LTBP2: variants seen among roughly 807,000 people sequenced by gnomAD.
LTBP2 encodes latent transforming growth factor beta binding protein 2.
In LTBP2, 103 loss-of-function variants were observed where a neutral mutation model predicts 210.6. That is an observed-to-expected ratio of 0.49 (90% CI 0.42 to 0.58). The LOEUF (loss-of-function observed/expected upper bound fraction) is 0.58, where lower values mean the gene tolerates loss of function less well. LTBP2 is among the 20% of genes least tolerant of loss of function. The probability of loss-of-function intolerance (pLI) is 0.00; values close to 1 mark genes in which losing one functional copy is unlikely to be tolerated. For missense variants in LTBP2, 2,313 were observed against 2,494.5 expected, an observed-to-expected ratio of 0.93 and a Z score of 1.55; for synonymous variants, 1,007 against 1,015.0, an observed-to-expected ratio of 0.99 and a Z score of 0.15.
At chr14:74,503,046 C>T in intron 33 of LTBP2, 112 bp from the exon 34 acceptor site, 1 of 1,498,828 alleles carries the variant, frequency 6.7e-7, no homozygotes, top group Non-Finnish European at 9.1e-7. Context: ...GAGATCCTGG[C>T]AACATTCCTC....
At position 74,575,387 on chromosome 14, in the gene LTBP2, G is replaced by A. The variant is rs1248435302; in HGVS notation, c.830+10467C>T. ...GGCCTTGAAGCAATACACTTTGTAA[G>A]GGAAATAGGAGACATCTCTCTCCTT... On this transcript the variant is annotated intron_variant, in intron 3 of 35. Coordinates refer to ENST00000261978, the MANE Select transcript of LTBP2 (RefSeq NM_000428.3). Among the ~76,000 whole-genome samples the A allele has an allele frequency of 3.3e-5, 5 of 152,362 alleles. No homozygotes were observed. In the South Asian group the frequency reaches 8.3e-4, roughly 25 times the overall value.
intron 18 of LTBP2, among the ~76,000 whole-genome samples, chr14:74,512,598 C>T (rs1193467097): frequency 1.3e-5 from 2 of 152,180 alleles, no homozygotes; most frequent in South Asian, 2.1e-4. Flanking sequence ...CAGGACACAT[C>T]GAAGCCCTCT....
chr14:74,551,268 C>T lies in LTBP2; in HGVS notation c.1482G>A (p.Val494=). 6.2e-7 allele frequency: 1 copy of T among 1,608,754 alleles called. No individual in the cohort carries two copies. Among genetic ancestry groups the T allele is most frequent in the Non-Finnish European group, 8.5e-7 (1 of 1,177,860 alleles). The change falls in exon 7 of 36, where the codon GTG becomes GTA. Residue 494 remains valine (V), a synonymous_variant. Transcript: ENST00000261978. ...ASVQIHQVAQ[V]RGGVEEALVE... ...CTAGGGCCTCCTCCACCCCGCCCCGCACCTGGGCCACCTGGTGGATCTGCA... is the reference window on the plus strand; with the variant it reads ...CTAGGGCCTCCTCCACCCCGCCCCGTACCTGGGCCACCTGGTGGATCTGCA...
At chr14:74,542,401 G>A (rs980743109) in intron 8 of LTBP2, among the ~76,000 whole-genome samples, 1 of 152,252 alleles carries the variant, frequency 6.6e-6, no homozygotes, top group African/African-American at 2.4e-5. Context: ...CTGACTCCAT[G>A]AGTAGAGCTG....
In LTBP2 at chr14:74,500,905, G is replaced by A. The variant is rs956429086; in HGVS notation, c.5445C>T (p.Pro1815=). Residue 1815 remains proline, a synonymous_variant, in exon 36 of 36, where the codon CCC becomes CCT. Transcript: ENST00000261978. ...ACTGCTACTCCTTGGCAGTGCAGTG[G>A]GGGGGCCCTGCCTCAGCCACATATC... ...SPGYVAEAGP[P]HCTAKE is the part of the protein sequence containing the mutation. 4 of 1,613,986 alleles carry A rather than the reference G, an allele frequency of 2.5e-6. No individual in the cohort carries two copies. Among genetic ancestry groups the A allele is most frequent in the Non-Finnish European group, 2.5e-6 (3 of 1,180,018 alleles).
In LTBP2 at chr14:74,535,910, GC is replaced by G. The variant is rs768555412; in HGVS notation, c.1864+15del. 17 of 1,612,514 alleles carry G rather than the reference GC, an allele frequency of 1.1e-5. No homozygotes were observed. The East Asian group carries it at 3.8e-4, about 36-fold the overall frequency. ...CCCGGCATCCTTGAGCCCAGCCCTG[GC>G]CCTGGGGGTCCTACCTTGGCAGTGA... On this transcript the variant is annotated intron_variant, in intron 9 of 35. Coordinates refer to ENST00000261978, the MANE Select transcript of LTBP2 (RefSeq NM_000428.3).
chr14:74,500,715 A>G lies in LTBP2; in HGVS notation c.*169T>C. ...GCCAAGCAAGGGCATGGAGGCAATG[A>G]CCGAAGCTTACAGCCAGAGGCTAAG... On this transcript the variant is annotated 3_prime_UTR_variant, in exon 36 of 36. Coordinates refer to ENST00000261978, the MANE Select transcript of LTBP2 (RefSeq NM_000428.3). 1.2e-6 allele frequency: 1 copy of G among 858,196 alleles called. No individual in the cohort carries two copies. Among genetic ancestry groups the G allele is most frequent in the Non-Finnish European group, 1.9e-6 (1 of 530,768 alleles). 53.2% of individuals were successfully genotyped at this position (858,196 alleles called of 1,614,324 possible).
chr14:74,506,449 T>C (rs771619630), intron 27 of LTBP2, among the ~76,000 whole-genome samples: 5 of 152,180 alleles, frequency 3.3e-5, no homozygotes, highest in Non-Finnish European at 7.4e-5. Context: ...CCAAACCTCC[T>C]GCCTCCTGAG....
chr14:74,588,432 GC>G (rs1418050790), intron 2 of LTBP2, among the ~76,000 whole-genome samples: 1 of 152,052 alleles, frequency 6.6e-6, no homozygotes, highest in Non-Finnish European at 1.5e-5. Flanking sequence ...TGTTGGTCAG[GC>G]TGGTCTGAAA....
rs862026 is a variant in LTBP2 at position 74,532,172 on chromosome 14, G to A, written c.1987+254C>T. ...AAAAAAAATAAGAAATAGAAAAGAC[G>A]AATTCCAAACTGCAAAGGCCCGGAA... On this transcript the variant is annotated intron_variant, in intron 10 of 35. Transcript: ENST00000261978. Among the ~76,000 whole-genome samples the A allele has an allele frequency of 0.61, 92,173 of 152,050 alleles. 28,115 individuals are homozygous for A. The highest frequency in any genetic ancestry group is 0.71 in the East Asian group (3,695 of 5,178).
At chr14:74,531,631 A>C (rs2087351685) in intron 10 of LTBP2, among the ~76,000 whole-genome samples, 1 of 152,240 alleles carries the variant, frequency 6.6e-6, no homozygotes, top group Non-Finnish European at 1.5e-5. Flanking sequence ...CAAACCCAGT[A>C]CCAGAAAGTT....
chr14:74,528,819 A>T, intron 11 of LTBP2, 121 bp from the exon 12 acceptor site: 1 of 1,507,684 alleles, frequency 6.6e-7, no homozygotes, highest in Non-Finnish European at 9.0e-7. Flanking sequence ...AGGGAGCCCC[A>T]GGTTGGGATA....
chr14:74,573,544 G>A (rs2088013672), intron 3 of LTBP2, among the ~76,000 whole-genome samples: 2 of 152,336 alleles, frequency 1.3e-5, no homozygotes, highest in East Asian at 3.9e-4. Flanking sequence ...ACCAGAGGCC[G>A]CAGCCCTGTC....
rs1178112203 is a variant in LTBP2 at position 74,551,285 on chromosome 14, G to A, written c.1465C>T (p.His489Tyr). ...HHPPEASVQIHQVAQVRGGVE... is the reference protein window; with the variant it reads ...HHPPEASVQIYQVAQVRGGVE... ...CCGCCCCGCACCTGGGCCACCTGGT[G>A]GATCTGCACTGAGGCCTCGGGTGGG... The change falls in exon 7 of 36, where the codon CAC becomes TAC. Residue 489 changes from histidine (H) to tyrosine (Y), a missense_variant. Coordinates refer to ENST00000261978, the MANE Select transcript of LTBP2 (RefSeq NM_000428.3). The A allele has an allele frequency of 9.3e-6, 15 of 1,607,346 alleles. No individual in the cohort carries two copies. Among genetic ancestry groups the A allele is most frequent in the East Asian group, 4.5e-5 (2 of 44,694 alleles).
At position 74,609,708 on chromosome 14, in the gene LTBP2, A is replaced by G. The variant is rs889357784; in HGVS notation, c.494+1743T>C. On this transcript the variant is annotated intron_variant, in intron 1 of 35. Transcript: ENST00000261978. ...GGGCCCCAGGTCACAGGTCCCCTCT[A>G]CTCAGCTCTTCAGCTACAGTTGCCC... 2.0e-5 allele frequency among the ~76,000 whole-genome samples: 3 copies of G among 152,062 alleles called. No homozygotes were observed. In the East Asian group the frequency reaches 5.8e-4, roughly 29 times the overall value.
chr14:74,562,036 G>A (rs1356101186), intron 3 of LTBP2, among the ~76,000 whole-genome samples: 1 of 151,976 alleles, frequency 6.6e-6, no homozygotes, highest in East Asian at 1.9e-4. Flanking sequence ...ATGCTGAAAC[G>A]CTGTCTCTAC....
Position 74,511,362 on chromosome 14 carries a change from T to G in LTBP2, c.2911A>C (p.Ile971Leu), listed in dbSNP as rs749268831. 4 of 1,614,042 alleles carry G rather than the reference T, an allele frequency of 2.5e-6. No individual in the cohort carries two copies. In the East Asian group the frequency reaches 6.7e-5, roughly 27 times the overall value. Reference protein sequence around the residue: ...IMVRKGHCQDINECRHPGTCP... With the variant: ...IMVRKGHCQDLNECRHPGTCP... ...GTACCGGGGTGACGGCATTCGTTGA[T>G]ATCTGCAAAACAGCAGCCCCTCCCT... Residue 971 changes from isoleucine (I) to leucine (L), a missense_variant and splice_region_variant, in exon 19 of 36, where the codon ATC becomes CTC. Ile to Leu is a conservative substitution (Grantham distance 5, BLOSUM62 2). This residue lies in a region of LTBP2 where 1,867 missense variants were observed against 1,976.9 expected (regional missense o/e 0.94). Transcript: ENST00000261978.
intron 3 of LTBP2, among the ~76,000 whole-genome samples, chr14:74,567,564 C>T (rs2087920896): frequency 6.6e-6 from 1 of 152,146 alleles, no homozygotes; most frequent in African/African-American, 2.4e-5. Flanking sequence ...GGCGATAGCC[C>T]TCTTCTTCCC....
chr14:74,555,017 G>A (rs983626169), intron 4 of LTBP2, among the ~76,000 whole-genome samples: 2 of 151,972 alleles, frequency 1.3e-5, no homozygotes, highest in Non-Finnish European at 2.9e-5. Flanking sequence ...GAGAAATGGA[G>A]GGAGAAAATG....
Sources: gnomAD v4.1 joint callset for allele counts (sites outside exome capture counted in the v4.1 genomes callset) on GRCh38, gnomAD v4.1.1 for gene constraint, gnomAD v4.1.1 regional missense constraint, MANE v1.5 for transcripts, NCBI Gene and HGNC (gene_info 2026-07-23, HGNC 2026-07-21) for gene names.